BCAS1: variants seen among roughly 807,000 people sequenced by gnomAD.
The protein encoded by BCAS1 is breast carcinoma-amplified sequence 1.
In BCAS1, 46 loss-of-function variants were observed where a neutral mutation model predicts 65.4. The ratio of observed to expected loss-of-function variants is 0.70; its 90% CI spans 0.55 to 0.90. The LOEUF (loss-of-function observed/expected upper bound fraction) is 0.90. Among genes scored for constraint, BCAS1 ranks in the 40% least tolerant of loss-of-function variants. BCAS1 has a pLI of 0.00. For synonymous variants in BCAS1, 298 were observed against 293.5 expected (o/e 1.02, Z -0.16); for missense variants, 793 against 771.2 (o/e 1.03, Z -0.33).
At chr20:54,029,195 T>C in intron 3 of BCAS1, 3 of 985,432 alleles carry the variant, frequency 3.0e-6, no homozygotes, top group South Asian at 9.4e-5. Flanking sequence ...AGCTACTTAA[T>C]GGAAAGTCAC....
At chr20:54,068,872 C>T (rs550385317) in intron 1 of BCAS1, among the ~76,000 whole-genome samples, 2 of 151,990 alleles carry the variant, frequency 1.3e-5, no homozygotes, top group Non-Finnish European at 2.9e-5. Flanking sequence ...GCAAAGGTAC[C>T]CCCGCCCCCA....
At chr20:54,027,754 T>A (rs1344225708) in intron 4 of BCAS1, among the ~76,000 whole-genome samples, 2 of 151,802 alleles carry the variant, frequency 1.3e-5, no homozygotes, top group Non-Finnish European at 2.9e-5. Context: ...AAGCAACTGA[T>A]TCCAGGATAC....
chr20:53,944,869 A>C lies in BCAS1; in HGVS notation c.*53T>G. On this transcript the variant is annotated 3_prime_UTR_variant, in exon 13 of 13. Transcript: ENST00000688948. ...GCGTGTTTGGGGAGGAGATGGAGTAAGGAGAACACATCTTGGTGGCAGGAG... is the reference window on the plus strand; with the variant it reads ...GCGTGTTTGGGGAGGAGATGGAGTACGGAGAACACATCTTGGTGGCAGGAG... 12 of 1,494,534 alleles carry C rather than the reference A, an allele frequency of 8.0e-6. No homozygotes were observed. Among genetic ancestry groups the C allele is most frequent in the African/African-American group, 1.4e-5 (1 of 72,562 alleles). 92.6% of individuals were successfully genotyped at this position (1,494,534 alleles called of 1,614,324 possible).
At chr20:54,001,229 C>T (rs1479899669) in intron 4 of BCAS1, among the ~76,000 whole-genome samples, 3 of 152,182 alleles carry the variant, frequency 2.0e-5, no homozygotes, top group South Asian at 4.1e-4. Context: ...TCTGACCTAA[C>T]CAACACCATC....
intron 7 of BCAS1, among the ~76,000 whole-genome samples, chr20:53,986,630 C>T (rs1266758353): frequency 6.6e-6 from 1 of 152,048 alleles, no homozygotes; most frequent in Non-Finnish European, 1.5e-5. Flanking sequence ...GGTGTGGTGG[C>T]CCAACACTTG....
chr20:53,960,289 T>C (rs1288681444), intron 10 of BCAS1, among the ~76,000 whole-genome samples: 1 of 152,048 alleles, frequency 6.6e-6, no homozygotes, highest in African/African-American at 2.4e-5. Context: ...CATTAGGGAC[T>C]CTGTCAATTT....
intron 11 of BCAS1, among the ~76,000 whole-genome samples, chr20:53,955,225 C>CT (rs1440045095): frequency 6.6e-6 from 1 of 152,182 alleles, no homozygotes. Context: ...TCCAGAAGGC[C>CT]TCCACCGGTG....
intron 3 of BCAS1, among the ~76,000 whole-genome samples, chr20:54,034,637 CACAA>C (rs371995769): frequency 6.6e-6 from 1 of 151,176 alleles, no homozygotes; most frequent in African/African-American, 2.4e-5. Context: ...TTAGAGATGA[CACAA>C]ACAAATGGAA....
Position 53,967,161 on chromosome 20 carries a change from C to T in BCAS1, c.1318-88G>A. On this transcript the variant is annotated intron_variant, in intron 9 of 12. Transcript: ENST00000688948. ...ACAAAGTGGGGTCCTTGTTGCCCCC[C>T]TGTCCACATAGTAGCTACAGTTTTG... 12 of 1,354,770 alleles carry T rather than the reference C, an allele frequency of 8.9e-6. No individual in the cohort carries two copies. The South Asian group carries it at 1.3e-4, about 15-fold the overall frequency. 83.9% of individuals were successfully genotyped at this position (1,354,770 alleles called of 1,614,324 possible).
chr20:54,028,281 G>T, intron 4 of BCAS1, 111 bp downstream of exon 4: 1 of 1,091,290 alleles, frequency 9.2e-7, no homozygotes, highest in Non-Finnish European at 1.4e-6. Context: ...GGGGTCAACA[G>T]CTTGCCACCT....
intron 4 of BCAS1, among the ~76,000 whole-genome samples, chr20:54,004,861 A>G (rs2091146556): frequency 1.3e-5 from 2 of 152,314 alleles, no homozygotes; most frequent in South Asian, 4.2e-4. Flanking sequence ...GCAGTACTGC[A>G]CTTTCCCTAA....
chr20:54,041,609 ACGG>A (rs2091993469), intron 3 of BCAS1, among the ~76,000 whole-genome samples: 1 of 152,138 alleles, frequency 6.6e-6, no homozygotes, highest in Admixed American at 6.6e-5. Context: ...GTGGCTGGGT[ACGG>A]TGGCTTAACG....
chr20:53,947,514 C>T (rs1568795195), intron 12 of BCAS1, among the ~76,000 whole-genome samples: 1 of 152,142 alleles, frequency 6.6e-6, no homozygotes, highest in Non-Finnish European at 1.5e-5. Context: ...GGTCCCTCAC[C>T]GCTGAGAGCC....
intron 8 of BCAS1, among the ~76,000 whole-genome samples, chr20:53,982,211 A>G (rs1162747574): frequency 1.3e-5 from 2 of 152,198 alleles, no homozygotes; most frequent in African/African-American, 4.8e-5. Flanking sequence ...GTGTATCCCA[A>G]TCCTCTTATT....
rs190183606 is a variant in BCAS1 at position 54,029,301 on chromosome 20, C to G, written c.143-329G>C. The G allele has an allele frequency of 1.0e-4, 94 of 913,828 alleles. No individual in the cohort carries two copies. The African/African-American group carries it at 1.3e-3, about 13-fold the overall frequency. 56.6% of individuals were successfully genotyped at this position (913,828 alleles called of 1,614,324 possible). On this transcript the variant is annotated intron_variant, in intron 3 of 12. Coordinates refer to ENST00000688948, the MANE Select transcript of BCAS1 (RefSeq NM_001366298.2). ...GAGCAGCATATTGTCATGATGTCAA[C>G]TGGGAGGCAGTACAGCAGTTAGGAG...
intron 10 of BCAS1, among the ~76,000 whole-genome samples, chr20:53,958,341 G>A (rs1239441405): frequency 2.0e-5 from 3 of 152,134 alleles, no homozygotes; most frequent in East Asian, 1.9e-4. Flanking sequence ...TAAAATGTTC[G>A]GTTCTTATCA....
In BCAS1 at chr20:53,997,296, T is replaced by C. The variant is rs115497875; in HGVS notation, c.724-1246A>G. On this transcript the variant is annotated intron_variant, in intron 4 of 12. Coordinates refer to ENST00000688948, the MANE Select transcript of BCAS1 (RefSeq NM_001366298.2). ...GCCCACAGAAGGCATTCAATAAATA[T>C]GTATCATTTATGAAAATTTTACAAA... 3.5e-3 allele frequency among the ~76,000 whole-genome samples: 539 copies of C among 152,342 alleles called. 1 individual carries two copies. The highest frequency in any genetic ancestry group is 0.012 in the African/African-American group (519 of 41,580).
In BCAS1 at chr20:54,016,140, T is replaced by A. The variant is rs1253830091; in HGVS notation, c.723+12252A>T. ...CATTTAACATTATACTATCACTTTC[T>A]TCACCTGACCAATTCTATTTTTATG... On this transcript the variant is annotated intron_variant, in intron 4 of 12. Transcript: ENST00000688948. Among the ~76,000 whole-genome samples the A allele has an allele frequency of 4.6e-5, 7 of 152,346 alleles. No homozygotes were observed. The East Asian group carries it at 1.3e-3, about 29-fold the overall frequency.
At chr20:54,038,664 T>G (rs2091939225) in intron 3 of BCAS1, among the ~76,000 whole-genome samples, 1 of 151,374 alleles carries the variant, frequency 6.6e-6, no homozygotes, top group Non-Finnish European at 1.5e-5. Context: ...GCTTTCAGTT[T>G]AAAGGGGAAA....
Sources: allele counts gnomAD v4.1 joint callset (sites outside exome capture counted in the v4.1 genomes callset), GRCh38; gene constraint gnomAD v4.1.1; transcripts MANE v1.5; gene names NCBI Gene and HGNC (gene_info 2026-07-23, HGNC 2026-07-21).